Variants in NLGN1 observed in about 807,000 individuals in gnomAD.
The protein encoded by NLGN1 is neuroligin-1.
NLGN1 carries 12 observed loss-of-function variants against 65.5 expected under a neutral mutation model. The ratio of observed to expected loss-of-function variants is 0.18; its 90% CI spans 0.12 to 0.30. The LOEUF is 0.30. Ranked by LOEUF, NLGN1 falls within the 10% of genes least tolerant of loss-of-function variation. NLGN1 has a pLI of 1.00. For missense variants in NLGN1, 750 were observed against 1,007.1 expected, an observed-to-expected ratio of 0.74 and a Z score of 3.46; for synonymous variants, 350 against 359.5, an observed-to-expected ratio of 0.97 and a Z score of 0.30.
chr3:173,907,582 C>CTTTTTTTT (rs561283815), intron 4 of NLGN1, among the ~76,000 whole-genome samples: 1 of 120,720 alleles, frequency 8.3e-6, no homozygotes, highest in Non-Finnish European at 1.7e-5. Context: ...CTCTCTCTCT[C>CTTTTTTTT]TTTTTTTTTT....
At position 174,144,026 on chromosome 3, in the gene NLGN1, C is replaced by T. The variant is rs564338240; in HGVS notation, c.647-131289C>T. ...TGGTTTGCTGCACCCATCAACCCAT[C>T]ATCTACATTAAGTATTTCTCCTAAT... On this transcript the variant is annotated intron_variant, in intron 4 of 6. Transcript: ENST00000457714. Among the ~76,000 whole-genome samples the T allele has an allele frequency of 7.9e-5, 12 of 152,226 alleles. No homozygotes were observed. In the South Asian group the frequency reaches 2.5e-3, roughly 32 times the overall value.
chr3:174,262,754 C>G (rs1379871088), intron 4 of NLGN1, among the ~76,000 whole-genome samples: 2 of 111,052 alleles, frequency 1.8e-5, no homozygotes, highest in African/African-American at 3.6e-5. Context: ...TCTTGCTTTT[C>G]TAGTTCTTTT....
chr3:173,512,955 T>G (rs1336875737), intron 2 of NLGN1, among the ~76,000 whole-genome samples: 1 of 152,186 alleles, frequency 6.6e-6, no homozygotes, highest in Non-Finnish European at 1.5e-5. Context: ...TGTTTCAGTC[T>G]TACAATTAGA....
chr3:173,492,528 AT>A (rs1319499369), intron 2 of NLGN1, among the ~76,000 whole-genome samples: 7 of 151,820 alleles, frequency 4.6e-5, no homozygotes, highest in Non-Finnish European at 7.4e-5. Flanking sequence ...AATTTCCTAT[AT>A]ATTTGGATAT....
intron 4 of NLGN1, among the ~76,000 whole-genome samples, chr3:173,883,697 T>G (rs1383576133): frequency 6.6e-6 from 1 of 152,162 alleles, no homozygotes; most frequent in Non-Finnish European, 1.5e-5. Context: ...CAGTTTCTGA[T>G]TTAAATCCCT....
intron 4 of NLGN1, among the ~76,000 whole-genome samples, chr3:173,952,002 G>A (rs1490426499): frequency 6.6e-6 from 1 of 152,116 alleles, no homozygotes. Context: ...GCATACTGTT[G>A]AGAACATTTA....
rs536240234 is a variant in NLGN1, at chr3:173,514,158, A to T, written c.-321+79080A>T. On this transcript the variant is annotated intron_variant, in intron 2 of 6. Transcript: ENST00000457714. ...TGAATGAATCATATGAGATTTAATG[A>T]GTATGTTTTTAAAAGTCATACAGGG... 1.6e-4 allele frequency among the ~76,000 whole-genome samples: 25 copies of T among 152,332 alleles called. No homozygotes were observed. In the East Asian group the frequency reaches 4.8e-3, roughly 29 times the overall value.
intron 2 of NLGN1, among the ~76,000 whole-genome samples, chr3:173,447,984 A>G (rs924484857): frequency 1.2e-4 from 19 of 152,334 alleles, no homozygotes; most frequent in African/African-American, 4.6e-4. Context: ...GGTTTTCCAG[A>G]TATACAATCA....
In NLGN1 at chr3:173,808,102, A is replaced by T. The variant is rs1003995171; in HGVS notation, c.646+270A>T. Among the ~76,000 whole-genome samples the T allele has an allele frequency of 2.6e-5, 4 of 152,140 alleles. No homozygotes were observed. The South Asian group carries it at 8.3e-4, about 31-fold the overall frequency. ...ACAAAATGGCAGGGCCTTATTGAAG[A>T]AGAGTACATCTTTGAACAAATATTT... On this transcript the variant is annotated intron_variant, in intron 4 of 6. Transcript: ENST00000457714.
intron 3 of NLGN1, among the ~76,000 whole-genome samples, chr3:173,619,534 C>T (rs1254628513): frequency 6.6e-6 from 1 of 152,130 alleles, no homozygotes; most frequent in Non-Finnish European, 1.5e-5. Flanking sequence ...ATAGTGCCTA[C>T]CACAGGCCAA....
At chr3:173,692,797 C>G (rs1349959350) in intron 3 of NLGN1, among the ~76,000 whole-genome samples, 1 of 151,988 alleles carries the variant, frequency 6.6e-6, no homozygotes, top group Non-Finnish European at 1.5e-5. Context: ...ACCTCTAATC[C>G]TCAGAATACA....
intron 2 of NLGN1, among the ~76,000 whole-genome samples, chr3:173,491,856 C>A (rs2149014761): frequency 6.6e-6 from 1 of 151,850 alleles, no homozygotes; most frequent in East Asian, 1.9e-4. Context: ...TTTTAGGAGT[C>A]ATCCTAAGTT....
At chr3:173,693,505 TTATC>T (rs1360193703) in intron 3 of NLGN1, among the ~76,000 whole-genome samples, 1 of 152,086 alleles carries the variant, frequency 6.6e-6, no homozygotes, top group African/African-American at 2.4e-5. Flanking sequence ...TAAATTAAAA[TTATC>T]TATTCATTGA....
chr3:174,248,977 A>T (rs936893251), intron 4 of NLGN1, among the ~76,000 whole-genome samples: 5 of 152,168 alleles, frequency 3.3e-5, no homozygotes, highest in Non-Finnish European at 7.3e-5. Flanking sequence ...ACATCCAGGA[A>T]ATCTGCGATG....
intron 4 of NLGN1, among the ~76,000 whole-genome samples, chr3:173,998,047 A>G (rs1722608157): frequency 6.6e-6 from 1 of 152,160 alleles, no homozygotes; most frequent in Non-Finnish European, 1.5e-5. Context: ...GGAGATGGCT[A>G]TGGCTAACCT....
intron 1 of NLGN1, among the ~76,000 whole-genome samples, chr3:173,419,738 A>G (rs1714614685): frequency 6.6e-6 from 1 of 152,100 alleles, no homozygotes; most frequent in Non-Finnish European, 1.5e-5. Context: ...TGGGAGGCCA[A>G]GGTGGGTGGA....
chr3:173,755,807 T>G (rs1392703771), intron 3 of NLGN1, among the ~76,000 whole-genome samples: 1 of 152,132 alleles, frequency 6.6e-6, no homozygotes, highest in Non-Finnish European at 1.5e-5. Flanking sequence ...TAGTCAACTG[T>G]GCCCAGCAAA....
chr3:174,004,260 A>G (rs548555431), intron 4 of NLGN1, among the ~76,000 whole-genome samples: 1 of 152,292 alleles, frequency 6.6e-6, no homozygotes, highest in Non-Finnish European at 1.5e-5. Context: ...AAACTATCAG[A>G]TAATTTCCCA....
chr3:174,269,258 C>A (rs1748880746), intron 4 of NLGN1, among the ~76,000 whole-genome samples: 1 of 151,808 alleles, frequency 6.6e-6, no homozygotes, highest in Non-Finnish European at 1.5e-5. Flanking sequence ...TAAGTATATT[C>A]ACATTGTTTA....
Sources: gnomAD v4.1 joint callset for allele counts (sites outside exome capture counted in the v4.1 genomes callset) on GRCh38, gnomAD v4.1.1 for gene constraint, MANE v1.5 for transcripts, NCBI Gene and HGNC (gene_info 2026-07-23, HGNC 2026-07-21) for gene names.